Variants in RBFOX1 observed in about 807,000 individuals in gnomAD.
RBFOX1 encodes the protein RNA binding fox-1 homolog 1, also known as RNA binding protein fox-1 homolog 1.
In RBFOX1, 8 loss-of-function variants were observed where a neutral mutation model predicts 57.7. The ratio of observed to expected loss-of-function variants is 0.14; its 90% CI spans 0.08 to 0.25. The LOEUF (loss-of-function observed/expected upper bound fraction) is 0.25. RBFOX1 is among the 10% of genes least tolerant of loss of function. The pLI, the probability that RBFOX1 is intolerant of heterozygous loss-of-function variation, is 1.00. For synonymous variants in RBFOX1, 326 were observed against 222.4 expected, an observed-to-expected ratio of 1.47 and a Z score of -4.15; for missense variants, 611 against 548.5, an observed-to-expected ratio of 1.11 and a Z score of -1.14.
intron 1 of RBFOX1, among the ~76,000 whole-genome samples, chr16:5,341,994 T>C (rs892134925): frequency 1.2e-4 from 19 of 152,164 alleles, no homozygotes; most frequent in Non-Finnish European, 2.4e-4. Flanking sequence ...ACATGTCAAG[T>C]TTGTTCCCCT....
At chr16:7,251,472 G>A (rs558446569) in intron 4 of RBFOX1, among the ~76,000 whole-genome samples, 12 of 150,662 alleles carry the variant, frequency 8.0e-5, no homozygotes, top group East Asian at 3.9e-4. Flanking sequence ...GTGCAGTGGC[G>A]CGGTCTTGGC....
At chr16:7,237,605 T>C (rs1214717464) in intron 4 of RBFOX1, among the ~76,000 whole-genome samples, 1 of 152,212 alleles carries the variant, frequency 6.6e-6, no homozygotes, top group Non-Finnish European at 1.5e-5. Context: ...TCAGTATAGG[T>C]GACTTTAGAA....
chr16:6,966,933 A>G (rs2084373733), intron 3 of RBFOX1, among the ~76,000 whole-genome samples: 1 of 148,526 alleles, frequency 6.7e-6, no homozygotes, highest in African/African-American at 2.6e-5. Flanking sequence ...CCATCCATCC[A>G]TCCATTGGCC....
chr16:7,282,206 A>T (rs901149536), intron 4 of RBFOX1, among the ~76,000 whole-genome samples: 2 of 152,102 alleles, frequency 1.3e-5, no homozygotes, highest in Non-Finnish European at 2.9e-5. Context: ...TCCACCACTC[A>T]CCGCCCCAAA....
At chr16:6,771,739 G>T (rs1362105514) in intron 3 of RBFOX1, among the ~76,000 whole-genome samples, 1 of 152,180 alleles carries the variant, frequency 6.6e-6, no homozygotes, top group Non-Finnish European at 1.5e-5. Flanking sequence ...GGAGGCCAGG[G>T]ATGCTGTTTA....
intron 2 of RBFOX1, among the ~76,000 whole-genome samples, chr16:6,485,502 A>G (rs1007811338): frequency 1.3e-5 from 2 of 151,944 alleles, no homozygotes; most frequent in African/African-American, 4.8e-5. Context: ...ACACTTTAAC[A>G]TATGTTTTGC....
At chr16:5,365,837 C>A (rs2065698167) in intron 1 of RBFOX1, 2 of 517,528 alleles carry the variant, frequency 3.9e-6, no homozygotes, top group South Asian at 1.4e-5. Flanking sequence ...CCCTGAGGCC[C>A]CAGAACTGTC....
chr16:6,289,439 C>G (rs776763407), intron 1 of RBFOX1, among the ~76,000 whole-genome samples: 1 of 152,078 alleles, frequency 6.6e-6, no homozygotes, highest in Non-Finnish European at 1.5e-5. Context: ...TGGATGTTAG[C>G]AGTCATCATC....
intron 1 of RBFOX1, among the ~76,000 whole-genome samples, chr16:6,070,816 C>CT (rs2095827584): frequency 6.6e-6 from 1 of 150,894 alleles, no homozygotes; most frequent in Non-Finnish European, 1.5e-5. Flanking sequence ...CACACACGCT[C>CT]GCCCCCCCCA....
At chr16:7,058,762 T>A (rs922096329) in intron 4 of RBFOX1, among the ~76,000 whole-genome samples, 2 of 152,244 alleles carry the variant, frequency 1.3e-5, no homozygotes, top group African/African-American at 4.8e-5. Context: ...TATTGGTTTT[T>A]CATTTACCGT....
chr16:6,679,686 A>C (rs1603375876), intron 3 of RBFOX1, among the ~76,000 whole-genome samples: 1 of 152,298 alleles, frequency 6.6e-6, no homozygotes, highest in South Asian at 2.1e-4. Flanking sequence ...AGTCTAAACT[A>C]ACCACCACAC....
At chr16:7,318,573 C>G (rs1057464473) in intron 4 of RBFOX1, among the ~76,000 whole-genome samples, 1 of 152,086 alleles carries the variant, frequency 6.6e-6, no homozygotes, top group Non-Finnish European at 1.5e-5. Flanking sequence ...ATTATGAAGA[C>G]TAAATTATTT....
chr16:6,666,142 C>T lies in RBFOX1; in HGVS notation c.-16+11492C>T, dbSNP rs190426858. On this transcript the variant is annotated intron_variant, in intron 3 of 15. Transcript: ENST00000550418. ...TATGAGACCTGCCAGCCACATGGAA[C>T]TGTGAGTCTATTAAACCTTTCTTTC... Among the ~76,000 whole-genome samples the T allele has an allele frequency of 1.8e-3, 273 of 152,268 alleles. 2 individuals carry two copies. The highest frequency in any genetic ancestry group is 6.4e-3 in the African/African-American group (264 of 41,544).
At chr16:5,905,714 G>C (rs56029042) in intron 4 of RBFOX1, among the ~76,000 whole-genome samples, 21,570 of 152,078 alleles carry the variant, frequency 0.14, 2,088 homozygotes, top group Non-Finnish European at 0.21. Flanking sequence ...ACAGGGAGAA[G>C]ACAGCATCTA....
intron 2 of RBFOX1, among the ~76,000 whole-genome samples, chr16:6,540,611 C>CAAAAAA (rs140566519): frequency 1.5e-5 from 1 of 67,628 alleles, no homozygotes; most frequent in African/African-American, 5.6e-5. Flanking sequence ...GACTCTGTCT[C>CAAAAAA]AAAAAAAAAA....
chr16:6,202,335 G>C (rs1346813810), intron 1 of RBFOX1, among the ~76,000 whole-genome samples: 1 of 152,078 alleles, frequency 6.6e-6, no homozygotes, highest in African/African-American at 2.4e-5. Flanking sequence ...TGAGAGATTT[G>C]CCTTGTGATT....
intron 3 of RBFOX1, among the ~76,000 whole-genome samples, chr16:6,955,257 AAAAG>A (rs1319540311): frequency 1.3e-5 from 2 of 151,738 alleles, no homozygotes; most frequent in African/African-American, 2.4e-5. Flanking sequence ...AAAAAAGAAA[AAAAG>A]AAATTTAATC....
intron 1 of RBFOX1, among the ~76,000 whole-genome samples, chr16:6,228,216 G>A (rs2097431833): frequency 6.6e-6 from 1 of 152,120 alleles, no homozygotes; most frequent in Admixed American, 6.6e-5. Context: ...GGCCGGGGGA[G>A]CAGTGCTTAG....
At chr16:6,034,739 C>T (rs1290435986) in intron 1 of RBFOX1, among the ~76,000 whole-genome samples, 1 of 152,230 alleles carries the variant, frequency 6.6e-6, no homozygotes, top group East Asian at 1.9e-4. Flanking sequence ...TTTCCATCTG[C>T]CAAGTAGTTT....
Sources: allele counts gnomAD v4.1 joint callset (sites outside exome capture counted in the v4.1 genomes callset), GRCh38; gene constraint gnomAD v4.1.1; transcripts MANE v1.5; gene names NCBI Gene and HGNC (gene_info 2026-07-23, HGNC 2026-07-21).